HCN2: variants seen among roughly 807,000 people sequenced by gnomAD.
The protein encoded by HCN2 is potassium/sodium hyperpolarization-activated cyclic nucleotide-gated channel 2.
A neutral mutation model predicts 52.3 loss-of-function variants in HCN2; 20 were observed. The ratio of observed to expected loss-of-function variants is 0.38; its 90% CI spans 0.27 to 0.56. The LOEUF is 0.56. Among genes scored for constraint, HCN2 ranks in the 20% least tolerant of loss-of-function variants. The pLI, the probability that HCN2 is intolerant of heterozygous loss-of-function variation, is 0.71. For missense variants in HCN2, 981 were observed against 1,207.7 expected (o/e 0.81, Z 2.78); for synonymous variants, 694 against 537.0 (o/e 1.29, Z -4.04).
intron 1 of HCN2, among the ~76,000 whole-genome samples, chr19:596,291 C>T (rs1483184811): frequency 6.6e-6 from 1 of 152,196 alleles, no homozygotes; most frequent in Non-Finnish European, 1.5e-5. Context: ...AGAGGCTGGG[C>T]GGCTGTTGGA....
chr19:596,190 G>A (rs1013588192), intron 1 of HCN2, among the ~76,000 whole-genome samples: 9 of 152,248 alleles, frequency 5.9e-5, no homozygotes, highest in Admixed American at 5.2e-4. Flanking sequence ...CCTGAGCTCG[G>A]GGCAGGAGAA....
intron 5 of HCN2, among the ~76,000 whole-genome samples, chr19:612,713 C>T (rs1983694205): frequency 6.7e-6 from 1 of 149,640 alleles, no homozygotes; most frequent in Non-Finnish European, 1.5e-5. Flanking sequence ...CCACGCCCGG[C>T]CTTATTTTTC....
intron 5 of HCN2, among the ~76,000 whole-genome samples, chr19:612,621 G>T (rs1004357347): frequency 6.6e-6 from 1 of 152,040 alleles, no homozygotes. Flanking sequence ...CACCATGTTG[G>T]CCAGGCTGGT....
intron 5 of HCN2, among the ~76,000 whole-genome samples, chr19:610,918 C>A (rs969544734): frequency 6.6e-6 from 1 of 152,204 alleles, no homozygotes; most frequent in Non-Finnish European, 1.5e-5. Context: ...CGTGCTACCC[C>A]CCCGGAGCCC....
chr19:608,128 C>T lies in HCN2; in HGVS notation c.1383C>T (p.His461=), dbSNP rs764808184. ...CCTGCTACGCCATGTTCATCGGCCA[C>T]GCCACTGCCCTCATCCAGTCGCTGG... ...GATCYAMFIG[H]ATALIQSLDS... The change falls in exon 4 of 8, where the codon CAC becomes CAT. Residue 461 remains histidine (H), a synonymous_variant. Coordinates refer to ENST00000251287, the MANE Select transcript of HCN2 (RefSeq NM_001194.4). The T allele has an allele frequency of 5.6e-6, 9 of 1,613,198 alleles. No homozygotes were observed. The highest frequency in any genetic ancestry group is 5.3e-5 in the African/African-American group (4 of 74,940).
Position 613,503 on chromosome 19 carries a change from G to C in HCN2, c.1825+15G>C. On this transcript the variant is annotated intron_variant, in intron 6 of 7. Transcript: ENST00000251287. ...CTACTTCGGGGGTGAGCTTGAGGGG[G>C]GCGCGCCTGGAGGGGGAGGGGGCAC... 6.4e-7 allele frequency: 1 copy of C among 1,565,014 alleles called. No individual in the cohort carries two copies. Among genetic ancestry groups the C allele is most frequent in the Non-Finnish European group, 8.7e-7 (1 of 1,146,526 alleles).
chr19:608,109 A>G lies in HCN2; in HGVS notation c.1364A>G (p.Tyr455Cys). 1 of 1,613,290 alleles carries G rather than the reference A, an allele frequency of 6.2e-7. No individual in the cohort carries two copies. Residue 455 changes from tyrosine to cysteine, a missense_variant, in exon 4 of 8, where the codon TAC becomes TGC. Transcript: ENST00000251287. Reference protein sequence around the residue: ...MLSMIVGATCYAMFIGHATAL... With the variant: ...MLSMIVGATCCAMFIGHATAL... ...AGCATGATTGTGGGTGCCACCTGCT[A>G]CGCCATGTTCATCGGCCACGCCACT...
At position 615,939 on chromosome 19, in the gene HCN2, G is replaced by A. The variant is rs1983887716; in HGVS notation, c.2135G>A (p.Gly712Asp). 1 of 1,607,996 alleles carries A rather than the reference G, an allele frequency of 6.2e-7. No homozygotes were observed. The highest frequency in any genetic ancestry group is 8.5e-7 in the Non-Finnish European group (1 of 1,178,634). Reference sequence around the variant, plus strand: ...CAGGCCGAGCTGGGTCAGCGCGTGGGCCTCTTCCCGCCGCCGCCGCCGCCG... The same window carrying A: ...CAGGCCGAGCTGGGTCAGCGCGTGGACCTCTTCCCGCCGCCGCCGCCGCCG... ...VQQAELGQRVGLFPPPPPPPQ... is the reference protein window; with the variant it reads ...VQQAELGQRVDLFPPPPPPPQ... Residue 712 changes from glycine (G) to aspartate (D), a missense_variant, in exon 8 of 8, where the codon GGC (glycine) becomes GAC (aspartate). This residue lies in a region of HCN2 where 368 missense variants were observed against 314.8 expected (regional missense o/e 1.17). Transcript: ENST00000251287.
At position 603,796 on chromosome 19, in the gene HCN2, C is replaced by G. The variant is rs1381208596; in HGVS notation, c.885C>G (p.Phe295Leu). The change falls in exon 2 of 8, where the codon TTC (phenylalanine) becomes TTG (leucine). Residue 295 changes from phenylalanine to leucine, a missense_variant. By Grantham distance (22) the Phe-to-Leu change is conservative. This residue lies in a region of HCN2 where 282 missense variants were observed against 553.8 expected (regional missense o/e 0.51). Transcript: ENST00000251287. ...TGCGCACGTGGTTCGTGGTGGACTT[C>G]GTGTCCTCCATCCCCGTGGACTACA... is the stretch of plus-strand genomic sequence containing the variant. ...KYLRTWFVVD[F>L]VSSIPVDYIF... The G allele has an allele frequency of 6.2e-7, 1 of 1,612,800 alleles. No homozygotes were observed. The highest frequency in any genetic ancestry group is 1.1e-5 in the South Asian group (1 of 91,064).
At chr19:594,672 G>C (rs1467276139) in intron 1 of HCN2, among the ~76,000 whole-genome samples, 1 of 152,182 alleles carries the variant, frequency 6.6e-6, no homozygotes, top group Non-Finnish European at 1.5e-5. Context: ...TTAGGGCGTG[G>C]GAATAAACCC....
intron 1 of HCN2, among the ~76,000 whole-genome samples, chr19:598,450 G>A (rs1407009198): frequency 6.6e-6 from 1 of 152,050 alleles, no homozygotes; most frequent in Non-Finnish European, 1.5e-5. Flanking sequence ...GGGTCCACAG[G>A]TGCGCACCAC....
chr19:614,600 G>C (rs1231977768), intron 7 of HCN2, among the ~76,000 whole-genome samples: 2 of 152,182 alleles, frequency 1.3e-5, no homozygotes, highest in African/African-American at 4.8e-5. Context: ...GTGGAAAAGA[G>C]GCCTAGAGTC....
At chr19:610,215 A>T (rs200890830) in intron 4 of HCN2, 44 bp from the exon 5 acceptor site, 1 of 1,570,658 alleles carries the variant, frequency 6.4e-7, no homozygotes, top group South Asian at 1.1e-5. Flanking sequence ...TGCCCGCTGC[A>T]GGCCGGGGGC....
At chr19:604,055 T>TG (rs1568364262) in intron 2 of HCN2, 88 bp downstream of exon 2, 50 of 927,972 alleles carry the variant, frequency 5.4e-5, no homozygotes, top group Non-Finnish European at 6.5e-5. Context: ...GGCGGGGCTA[T>TG]AATGGTGCAT....
chr19:590,764 TG>T lies in HCN2; in HGVS notation c.632+194del, dbSNP rs1332758888. Reference sequence around the variant, plus strand: ...ACCCCGGCGCGCGAGGCTCCGCCTCTGGGGGGGCTCCCCGGGTGACCGCGGA... The same window carrying T: ...ACCCCGGCGCGCGAGGCTCCGCCTCTGGGGGGCTCCCCGGGTGACCGCGGA... On this transcript the variant is annotated intron_variant, in intron 1 of 7. Coordinates refer to ENST00000251287, the MANE Select transcript of HCN2 (RefSeq NM_001194.4). The surrounding 1 kb of genome is among the most constrained non-coding windows in gnomAD (Gnocchi z 7.2). 33 of 339,702 alleles carry T rather than the reference TG, an allele frequency of 9.7e-5. No individual in the cohort carries two copies. In the East Asian group the frequency reaches 1.2e-3, roughly 12 times the overall value. 21.0% of individuals were successfully genotyped at this position (339,702 alleles called of 1,614,324 possible). A position where few individuals can be genotyped will look rare whatever the true frequency, so the allele number is the denominator to read the frequency against.
At chr19:600,090 G>A (rs777958906) in intron 1 of HCN2, among the ~76,000 whole-genome samples, 1 of 152,146 alleles carries the variant, frequency 6.6e-6, no homozygotes, top group Non-Finnish European at 1.5e-5. Flanking sequence ...TCAGGCACAC[G>A]CAGGCCATGT....
intron 5 of HCN2, 151 bp from the exon 6 acceptor site, chr19:613,097 T>C: frequency 9.6e-7 from 1 of 1,045,274 alleles, no homozygotes; most frequent in African/African-American, 1.6e-5. Flanking sequence ...CTCCCGTCCT[T>C]GGCGGCAGCA....
intron 1 of HCN2, among the ~76,000 whole-genome samples, chr19:594,495 A>C (rs1384653565): frequency 6.6e-6 from 1 of 152,090 alleles, no homozygotes; most frequent in Non-Finnish European, 1.5e-5. Context: ...CAAAGCCAGG[A>C]TCTGTTATGT....
rs754244259 is a variant in HCN2, at chr19:608,122, C to T, written c.1377C>T (p.Ile459=). The change falls in exon 4 of 8, where the codon ATC becomes ATT. Residue 459 remains isoleucine, a synonymous_variant. Transcript: ENST00000251287. ...GTGCCACCTGCTACGCCATGTTCAT[C>T]GGCCACGCCACTGCCCTCATCCAGT... is the stretch of plus-strand genomic sequence containing the variant. ...IVGATCYAMF[I]GHATALIQSL... 9.6e-5 allele frequency: 155 copies of T among 1,613,214 alleles called. No individual in the cohort carries two copies. Among genetic ancestry groups the T allele is most frequent in the Non-Finnish European group, 1.2e-4 (146 of 1,180,020 alleles).
Sources: gnomAD v4.1 joint callset for allele counts (sites outside exome capture counted in the v4.1 genomes callset) on GRCh38, gnomAD v4.1.1 for gene constraint, gnomAD v4.1.1 regional missense constraint, Gnocchi (gnomAD v3.1) non-coding constraint, MANE v1.5 for transcripts, NCBI Gene and HGNC (gene_info 2026-07-23, HGNC 2026-07-21) for gene names.